EHBP1: variants seen among roughly 807,000 people sequenced by gnomAD.
The protein encoded by EHBP1 is EH domain binding protein 1.
In EHBP1, 55 loss-of-function variants were observed where a neutral mutation model predicts 144.0. The observed-to-expected ratio is 0.38, with a 90% CI of 0.31 to 0.48. The LOEUF (loss-of-function observed/expected upper bound fraction) is 0.48, where lower values mean the gene tolerates loss of function less well. Among genes scored for constraint, EHBP1 ranks in the 20% least tolerant of loss-of-function variants. The probability of loss-of-function intolerance (pLI) is 0.98; values close to 1 mark genes in which losing one functional copy is unlikely to be tolerated. For missense variants in EHBP1, 1,200 were observed against 1,364.2 expected, an observed-to-expected ratio of 0.88 and a Z score of 1.90; for synonymous variants, 469 against 472.7, an observed-to-expected ratio of 0.99 and a Z score of 0.10.
At chr2:62,993,998 G>T in intron 18 of EHBP1, 21 bp downstream of exon 18, 8 of 1,489,622 alleles carry the variant, frequency 5.4e-6, no homozygotes, top group Non-Finnish European at 7.3e-6. Context: ...TTTTTGTGTG[G>T]TTTCATGATT....
chr2:62,723,297 G>C (rs879553289), intron 2 of EHBP1, among the ~76,000 whole-genome samples: 1 of 152,002 alleles, frequency 6.6e-6, no homozygotes, highest in African/African-American at 2.4e-5. Flanking sequence ...AATTAGGATT[G>C]CAACTTTTGA....
chr2:62,948,209 G>T, intron 12 of EHBP1, 51 bp from the exon 13 acceptor site: 1 of 1,424,366 alleles, frequency 7.0e-7, no homozygotes. Context: ...TTTAAAATGT[G>T]TGAATTATAT....
At chr2:62,701,666 T>C (rs1055345450), upstream of EHBP1, among the ~76,000 whole-genome samples, 5 of 152,148 alleles carry the variant, frequency 3.3e-5, no homozygotes, top group African/African-American at 1.2e-4. Context: ...AAAGGAAATA[T>C]TTAACACTTG....
At chr2:62,688,422 T>C (rs1266613183) in intron 1 of EHBP1, among the ~76,000 whole-genome samples, 7 of 152,192 alleles carry the variant, frequency 4.6e-5, no homozygotes, top group South Asian at 2.1e-4. Context: ...GTATAACATA[T>C]AGTGATCAGA....
intron 10 of EHBP1, among the ~76,000 whole-genome samples, chr2:62,933,853 G>A (rs1406904687): frequency 6.6e-6 from 1 of 152,086 alleles, no homozygotes; most frequent in Non-Finnish European, 1.5e-5. Flanking sequence ...GGAATCATAT[G>A]ATATATGCAT....
intron 10 of EHBP1, among the ~76,000 whole-genome samples, chr2:62,911,741 C>T (rs1203614548): frequency 6.6e-6 from 1 of 152,100 alleles, no homozygotes; most frequent in African/African-American, 2.4e-5. Context: ...AGATTACAGA[C>T]GTGAGCCACG....
rs2061907008 is a variant in EHBP1, at chr2:63,045,263, G to T, written c.3392+83G>T. On this transcript the variant is annotated intron_variant, in intron 22 of 22. Coordinates refer to ENST00000431489, the MANE Select transcript of EHBP1 (RefSeq NM_001142616.3). This position sits in a 1 kb window ranked among gnomAD's most constrained non-coding sequence, Gnocchi z 5.7. ...GTGCGGAAAGTTCAATCCAGAGGTC[G>T]CGGGAGGGCCGGGGCAGCCTCCCAC... The T allele has an allele frequency of 3.5e-6, 5 of 1,439,088 alleles. No individual in the cohort carries two copies. Among genetic ancestry groups the T allele is most frequent in the Non-Finnish European group, 3.8e-6 (4 of 1,046,834 alleles). The allele number at this position is 1,439,088 out of a possible 1,614,324, so 89.1% of individuals were successfully genotyped here.
At chr2:62,840,408 C>G (rs924205064) in intron 7 of EHBP1, among the ~76,000 whole-genome samples, 1 of 139,166 alleles carries the variant, frequency 7.2e-6, no homozygotes, top group Non-Finnish European at 1.6e-5. Context: ...CTAGGCATTA[C>G]CATTCAGGAC....
intron 7 of EHBP1, among the ~76,000 whole-genome samples, chr2:62,857,976 A>G (rs990643096): frequency 6.6e-6 from 1 of 152,172 alleles, no homozygotes; most frequent in Non-Finnish European, 1.5e-5. Flanking sequence ...ATGCATTTAT[A>G]TTCTTAAAAC....
chr2:62,800,390 G>GT (rs1266980329), intron 5 of EHBP1, among the ~76,000 whole-genome samples: 4 of 152,060 alleles, frequency 2.6e-5, no homozygotes, highest in Non-Finnish European at 4.4e-5. Flanking sequence ...TATCAGAAAG[G>GT]TTTTTTGTTT....
intron 12 of EHBP1, among the ~76,000 whole-genome samples, chr2:62,944,800 A>G (rs2056970061): frequency 6.6e-6 from 1 of 152,190 alleles, no homozygotes; most frequent in African/African-American, 2.4e-5. Context: ...CAGTATGTGC[A>G]TTCTGTGTGC....
intron 5 of EHBP1, among the ~76,000 whole-genome samples, chr2:62,785,713 C>A (rs1290574442): frequency 3.3e-5 from 5 of 151,902 alleles, no homozygotes; most frequent in Admixed American, 3.3e-4. Context: ...TATTCTCCTT[C>A]ACCTTTCTTA....
intron 8 of EHBP1, among the ~76,000 whole-genome samples, chr2:62,860,423 G>A (rs970745671): frequency 6.6e-6 from 1 of 152,050 alleles, no homozygotes; most frequent in Non-Finnish European, 1.5e-5. Flanking sequence ...CCTGGGAGGC[G>A]GAGGTTGCAG....
chr2:62,806,916 T>G (rs1056004314), intron 5 of EHBP1, among the ~76,000 whole-genome samples: 2 of 152,090 alleles, frequency 1.3e-5, no homozygotes, highest in African/African-American at 4.8e-5. Context: ...TTTTTACTTA[T>G]ATATAAGCAT....
chr2:63,017,442 A>G (rs1478875874), intron 19 of EHBP1, among the ~76,000 whole-genome samples: 10 of 152,352 alleles, frequency 6.6e-5, no homozygotes, highest in African/African-American at 1.9e-4. Context: ...TAGTCACACT[A>G]AGTCAAAGTT....
chr2:62,741,904 A>C (rs748221634), intron 2 of EHBP1, among the ~76,000 whole-genome samples: 18 of 152,202 alleles, frequency 1.2e-4, no homozygotes, highest in Non-Finnish European at 2.1e-4. Flanking sequence ...AAACTTAGTC[A>C]CACACTGCAG....
At chr2:62,993,356 G>T (rs2059489594) in intron 16 of EHBP1, among the ~76,000 whole-genome samples, 174 bp from the exon 17 acceptor site, 1 of 152,150 alleles carries the variant, frequency 6.6e-6, no homozygotes, top group African/African-American at 2.4e-5. Context: ...CCCAAAGTTT[G>T]TGATTACAGG....
intron 5 of EHBP1, among the ~76,000 whole-genome samples, chr2:62,798,590 A>G (rs1373432447): frequency 6.6e-6 from 1 of 152,260 alleles, no homozygotes; most frequent in Admixed American, 6.5e-5. Flanking sequence ...TAATACACCT[A>G]TTTCATAGAA....
chr2:62,939,378 A>G (rs2056598407), intron 10 of EHBP1, among the ~76,000 whole-genome samples: 1 of 152,030 alleles, frequency 6.6e-6, no homozygotes, highest in African/African-American at 2.4e-5. Context: ...GGTTCAAGCA[A>G]TTCTCCTGCC....
Sources: gnomAD v4.1 joint callset for allele counts (sites outside exome capture counted in the v4.1 genomes callset) on GRCh38, gnomAD v4.1.1 for gene constraint, Gnocchi (gnomAD v3.1) non-coding constraint, MANE v1.5 for transcripts, NCBI Gene and HGNC (gene_info 2026-07-23, HGNC 2026-07-21) for gene names.